The following PABPC4L variants were observed in gnomAD, a reference collection of about 807,000 sequenced individuals.
The protein encoded by PABPC4L is poly(A) binding protein cytoplasmic 4 like.
For synonymous variants in PABPC4L, 169 were observed against 164.1 expected (o/e 1.03, Z -0.23); for missense variants, 452 against 451.4 (o/e 1.00, Z -0.01).
At chr4:134,065,769 T>C in the PABPC4L span, among the ~76,000 whole-genome samples, 1 of 152,160 alleles carries the variant, frequency 6.6e-6, no homozygotes, top group Non-Finnish European at 1.5e-5. Context: ...TTTAAGTCTT[T>C]AGTCCATCTT....
chr4:134,067,149 G>A, the PABPC4L span, among the ~76,000 whole-genome samples: 18 of 152,048 alleles, frequency 1.2e-4, no homozygotes, highest in African/African-American at 3.6e-4. Context: ...AAAAGTAGCC[G>A]TGAATTTGAT....
the PABPC4L span, among the ~76,000 whole-genome samples, chr4:134,096,358 CT>C: frequency 6.6e-6 from 1 of 151,778 alleles, no homozygotes; most frequent in South Asian, 2.1e-4. Context: ...AGAACTTTTG[CT>C]TTGATAAATT....
At chr4:134,138,945 A>T in the PABPC4L span, among the ~76,000 whole-genome samples, 2 of 151,866 alleles carry the variant, frequency 1.3e-5, no homozygotes, top group African/African-American at 4.8e-5. Flanking sequence ...CAGCTAGTGA[A>T]AGAAAATAAG....
chr4:134,069,684 T>C, the PABPC4L span, among the ~76,000 whole-genome samples: 1 of 152,194 alleles, frequency 6.6e-6, no homozygotes, highest in East Asian at 1.9e-4. Flanking sequence ...TTTGGTTCTT[T>C]CTTAAAATGA....
chr4:134,046,489 G>C, the PABPC4L span, among the ~76,000 whole-genome samples: 1 of 151,184 alleles, frequency 6.6e-6, no homozygotes, highest in Admixed American at 6.6e-5. Flanking sequence ...GGACATGCAG[G>C]AGATGGAGGC....
At chr4:134,119,185 G>C in the PABPC4L span, among the ~76,000 whole-genome samples, 1 of 151,614 alleles carries the variant, frequency 6.6e-6, no homozygotes, top group African/African-American at 2.4e-5. Flanking sequence ...TAAAGCAAGA[G>C]GAGAACCATG....
At chr4:134,146,017 C>T in the PABPC4L span, among the ~76,000 whole-genome samples, 1 of 151,788 alleles carries the variant, frequency 6.6e-6, no homozygotes, top group Non-Finnish European at 1.5e-5. Flanking sequence ...AGTATCTATC[C>T]TTTTATAAGA....
the PABPC4L span, among the ~76,000 whole-genome samples, chr4:133,948,859 T>A: frequency 1.3e-5 from 2 of 152,124 alleles, no homozygotes; most frequent in African/African-American, 4.8e-5. Flanking sequence ...TTGTCTGAGA[T>A]CAGTTATCTT....
the PABPC4L span, among the ~76,000 whole-genome samples, chr4:134,159,138 G>A: frequency 3.9e-5 from 6 of 152,210 alleles, no homozygotes; most frequent in South Asian, 1.2e-3. Context: ...TGAATGTAAA[G>A]GCCTACAATA....
rs1406939734 is a variant in PABPC4L, at chr4:134,200,783, T to A, written c.237A>T (p.Lys79Asn). 1 of 1,551,744 alleles carries A rather than the reference T, an allele frequency of 6.4e-7. No individual in the cohort carries two copies. The highest frequency in any genetic ancestry group is 8.7e-7 in the Non-Finnish European group (1 of 1,147,074). The part of the protein sequence containing the change: ...DTMNFDIIKG[K>N]SIRLMWSQRD... Reference sequence around the variant, plus strand: ...GCTGAGACCACATGAGACGGATGGATTTGCCTTTTATGATGTCAAAGTTCA... The same window carrying A: ...GCTGAGACCACATGAGACGGATGGAATTGCCTTTTATGATGTCAAAGTTCA... Residue 79 changes from lysine to asparagine, a missense_variant, in exon 2 of 2, where the codon AAA (lysine) becomes AAT (asparagine). Coordinates refer to ENST00000421491, the MANE Select transcript of PABPC4L (RefSeq NM_001114734.2).
the PABPC4L span, among the ~76,000 whole-genome samples, chr4:134,099,267 A>C: frequency 6.6e-6 from 1 of 151,686 alleles, no homozygotes; most frequent in Non-Finnish European, 1.5e-5. Flanking sequence ...TTTCTAAAAC[A>C]AATATGACTC....
At chr4:134,165,875 CA>C in the PABPC4L span, among the ~76,000 whole-genome samples, 1 of 152,016 alleles carries the variant, frequency 6.6e-6, no homozygotes, top group African/African-American at 2.4e-5. Flanking sequence ...CGTTAGTGAC[CA>C]ACATAAGTGC....
At chr4:134,014,601 C>G in the PABPC4L span, among the ~76,000 whole-genome samples, 1 of 152,106 alleles carries the variant, frequency 6.6e-6, no homozygotes, top group Non-Finnish European at 1.5e-5. Flanking sequence ...GCCCAAGGCT[C>G]TCTGACTGAC....
At chr4:134,082,072 G>A in the PABPC4L span, among the ~76,000 whole-genome samples, 2 of 152,260 alleles carry the variant, frequency 1.3e-5, no homozygotes, top group East Asian at 1.9e-4. Flanking sequence ...GTGATCTAAC[G>A]AGGTTCAGCG....
chr4:134,080,953 T>C, the PABPC4L span, among the ~76,000 whole-genome samples: 1 of 152,172 alleles, frequency 6.6e-6, no homozygotes, highest in Admixed American at 6.5e-5. Flanking sequence ...TGCTAAGTTC[T>C]AAGGCAAAAT....
At chr4:134,180,383 C>A in the PABPC4L span, among the ~76,000 whole-genome samples, 1 of 151,518 alleles carries the variant, frequency 6.6e-6, no homozygotes, top group African/African-American at 2.4e-5. Flanking sequence ...TAGTACAAAG[C>A]CAAAGTAGTT....
At chr4:134,054,019 C>T in the PABPC4L span, among the ~76,000 whole-genome samples, 1 of 151,474 alleles carries the variant, frequency 6.6e-6, no homozygotes, top group Non-Finnish European at 1.5e-5. Context: ...ACACTAATTC[C>T]TTCTGGTCAT....
chr4:133,987,756 G>T, the PABPC4L span, among the ~76,000 whole-genome samples: 2 of 152,042 alleles, frequency 1.3e-5, no homozygotes, highest in Non-Finnish European at 2.9e-5. Context: ...GCATAATATT[G>T]CTAATAAGAA....
the PABPC4L span, among the ~76,000 whole-genome samples, chr4:134,084,315 G>T: frequency 2.0e-5 from 3 of 152,054 alleles, no homozygotes; most frequent in African/African-American, 7.2e-5. Flanking sequence ...CCAGGGTGCT[G>T]GGTTACAGAT....
Sources: allele counts gnomAD v4.1 joint callset (sites outside exome capture counted in the v4.1 genomes callset), GRCh38; gene constraint gnomAD v4.1.1; transcripts MANE v1.5; gene names NCBI Gene and HGNC (gene_info 2026-07-23, HGNC 2026-07-21).